Variants in ZFAND6 observed in about 807,000 individuals in gnomAD.
ZFAND6 encodes the protein AN1-type zinc finger protein 6.
Under a neutral mutation model 24.5 loss-of-function variants are expected in ZFAND6, and 12 were observed. The observed-to-expected ratio is 0.49, with a 90% CI of 0.31 to 0.79. The LOEUF (loss-of-function observed/expected upper bound fraction) is 0.79. Ranked by LOEUF, ZFAND6 falls within the 30% of genes least tolerant of loss-of-function variation. The pLI is 0.04. For missense variants in ZFAND6, 207 were observed against 245.9 expected (o/e 0.84, Z 1.06); for synonymous variants, 92 against 81.5 (o/e 1.13, Z -0.69).
At chr15:80,064,611 C>T (rs1158665338) in intron 1 of ZFAND6, among the ~76,000 whole-genome samples, 1 of 31,368 alleles carries the variant, frequency 3.2e-5, no homozygotes, top group Non-Finnish European at 1.2e-4. Context: ...TATACATACA[C>T]ACACACACAC....
intron 5 of ZFAND6, among the ~76,000 whole-genome samples, chr15:80,123,945 C>T (rs1366185902): frequency 6.6e-6 from 1 of 152,130 alleles, no homozygotes; most frequent in Non-Finnish European, 1.5e-5. Context: ...TTTTCATACC[C>T]AGCAAATACT....
intron 5 of ZFAND6, 182 bp downstream of exon 5, chr15:80,122,982 T>A (rs2040213558): frequency 5.9e-6 from 3 of 508,426 alleles, no homozygotes; most frequent in Non-Finnish European, 1.0e-5. Context: ...CACACTTACA[T>A]GTAATTTTAT....
chr15:80,095,655 C>T (rs776258093), intron 1 of ZFAND6, among the ~76,000 whole-genome samples: 9 of 152,062 alleles, frequency 5.9e-5, no homozygotes, highest in South Asian at 2.1e-4. Flanking sequence ...TAGTAGGAAC[C>T]GCTTTGAGCT....
intron 1 of ZFAND6, among the ~76,000 whole-genome samples, chr15:80,092,778 C>T: frequency 6.6e-6 from 1 of 152,024 alleles, no homozygotes; most frequent in Middle Eastern, 3.2e-3. Context: ...GAAGGCTACT[C>T]TTAAAAATAG....
intron 1 of ZFAND6, among the ~76,000 whole-genome samples, chr15:80,091,131 G>A (rs1567065770): frequency 2.7e-5 from 4 of 150,786 alleles, no homozygotes; most frequent in Admixed American, 2.0e-4. Flanking sequence ...GATTTCATTA[G>A]TATCATATTT....
chr15:80,134,471 A>G (rs771640779), intron 6 of ZFAND6, among the ~76,000 whole-genome samples: 6 of 152,008 alleles, frequency 3.9e-5, no homozygotes, highest in Non-Finnish European at 7.3e-5. Context: ...AAAGATTGTC[A>G]GTGCTATGGA....
At chr15:80,098,708 G>A (rs996553452) in intron 2 of ZFAND6, 130 bp downstream of exon 2, 31 of 152,026 alleles carry the variant, frequency 2.0e-4, no homozygotes, top group African/African-American at 7.2e-4. Flanking sequence ...ATTTTTTCTG[G>A]TGGGTAGGAT....
chr15:80,104,331 T>C (rs1021266606), intron 2 of ZFAND6, among the ~76,000 whole-genome samples: 1 of 152,170 alleles, frequency 6.6e-6, no homozygotes, highest in African/African-American at 2.4e-5. Flanking sequence ...AGACCAGCCT[T>C]GGCCAGTATG....
chr15:80,093,340 T>G (rs1451255746), intron 1 of ZFAND6, among the ~76,000 whole-genome samples: 4 of 152,192 alleles, frequency 2.6e-5, no homozygotes, highest in African/African-American at 9.7e-5. Context: ...TATTTTGTAA[T>G]ATAAATGTAA....
chr15:80,109,337 G>A (rs1185440482), intron 2 of ZFAND6, among the ~76,000 whole-genome samples: 1 of 152,152 alleles, frequency 6.6e-6, no homozygotes. Context: ...CAATATAATA[G>A]TAAATTAAGA....
chr15:80,102,788 C>T (rs988488430), intron 2 of ZFAND6, among the ~76,000 whole-genome samples: 6 of 151,898 alleles, frequency 4.0e-5, no homozygotes, highest in Non-Finnish European at 8.8e-5. Flanking sequence ...AGGGGAGATA[C>T]CAAAGGATAG....
At chr15:80,064,042 C>T (rs956406164) in intron 1 of ZFAND6, among the ~76,000 whole-genome samples, 33 of 152,238 alleles carry the variant, frequency 2.2e-4, no homozygotes, top group Non-Finnish European at 1.2e-4. Context: ...TGGTTACCCA[C>T]ATGGACAGTT....
intron 2 of ZFAND6, among the ~76,000 whole-genome samples, chr15:80,102,141 TATTTTTATTTTTC>T (rs2141947972): frequency 6.6e-6 from 1 of 150,700 alleles, no homozygotes; most frequent in African/African-American, 2.4e-5. Flanking sequence ...ATAGTGTAGT[TATTTTTATTTTTC>T]ATTTTTATTT....
chr15:80,116,091 T>A (rs1021545914), intron 2 of ZFAND6, among the ~76,000 whole-genome samples: 9 of 150,636 alleles, frequency 6.0e-5, no homozygotes, highest in Non-Finnish European at 1.2e-4. Flanking sequence ...CTTTTTAGGT[T>A]TTTTTTTTGT....
At chr15:80,104,798 T>G (rs1596272688) in intron 2 of ZFAND6, among the ~76,000 whole-genome samples, 2 of 152,182 alleles carry the variant, frequency 1.3e-5, no homozygotes, top group East Asian at 3.8e-4. Flanking sequence ...GGGCATACAT[T>G]TTATTTATTG....
chr15:80,117,507 C>T (rs891692855), intron 2 of ZFAND6, among the ~76,000 whole-genome samples: 1 of 152,212 alleles, frequency 6.6e-6, no homozygotes, highest in Non-Finnish European at 1.5e-5. Flanking sequence ...CAGGCATGAG[C>T]CACCGTGCCC....
intron 2 of ZFAND6, among the ~76,000 whole-genome samples, chr15:80,104,834 T>C (rs1195513832): frequency 6.6e-6 from 1 of 152,186 alleles, no homozygotes; most frequent in Non-Finnish European, 1.5e-5. Context: ...TATTTTTTTT[T>C]AACCATTTTT....
chr15:80,070,350 G>A (rs59068634), intron 1 of ZFAND6, among the ~76,000 whole-genome samples: 2,086 of 152,240 alleles, frequency 0.014, 43 homozygotes, highest in African/African-American at 0.047. Flanking sequence ...GTTACTGCAT[G>A]CAATCAGGGA....
chr15:80,124,927 CT>C (rs1192932653), intron 5 of ZFAND6, among the ~76,000 whole-genome samples: 1 of 152,088 alleles, frequency 6.6e-6, no homozygotes, highest in African/African-American at 2.4e-5. Context: ...TAAGAATACC[CT>C]TTTTATTATA....
Sources: gnomAD v4.1 joint callset for allele counts (sites outside exome capture counted in the v4.1 genomes callset) on GRCh38, gnomAD v4.1.1 for gene constraint, MANE v1.5 for transcripts, NCBI Gene and HGNC (gene_info 2026-07-23, HGNC 2026-07-21) for gene names.